The following ZNF695 variants were observed in gnomAD, a reference collection of about 807,000 sequenced individuals.
ZNF695 encodes the protein zinc finger protein 695, also known as zinc finger protein SBZF3.
In ZNF695, 11 loss-of-function variants were observed where a neutral mutation model predicts 11.2. The observed-to-expected ratio is 0.98, with a 90% CI of 0.62 to 1.62. The LOEUF (loss-of-function observed/expected upper bound fraction) is 1.62. Among genes scored for constraint, ZNF695 ranks in the 40% most tolerant of loss-of-function variants. The probability of loss-of-function intolerance (pLI) is 0.00; values close to 1 mark genes in which losing one functional copy is unlikely to be tolerated. For missense variants in ZNF695, 559 were observed against 590.5 expected (o/e 0.95, Z 0.55); for synonymous variants, 190 against 201.4 (o/e 0.94, Z 0.48).
intron 5 of ZNF695, among the ~76,000 whole-genome samples, chr1:246,962,581 G>A (rs369227697): frequency 5.3e-5 from 8 of 152,260 alleles, no homozygotes; most frequent in East Asian, 3.9e-4. Context: ...AGTGGCTTCC[G>A]TGGGGCTGGC....
intron 5 of ZNF695, among the ~76,000 whole-genome samples, chr1:246,947,196 T>TG (rs370864357): frequency 3.3e-4 from 41 of 124,998 alleles, no homozygotes; most frequent in Middle Eastern, 4.7e-3. Context: ...TTATTTTTTT[T>TG]GGGGGGGTGG....
At chr1:246,972,531 G>GT (rs1304672639) in intron 4 of ZNF695, among the ~76,000 whole-genome samples, 2 of 152,006 alleles carry the variant, frequency 1.3e-5, no homozygotes, top group Admixed American at 6.6e-5. Context: ...TGGCCTCTGA[G>GT]TTTTTTTTGA....
chr1:246,991,915 G>A (rs1669047180), intron 3 of ZNF695, among the ~76,000 whole-genome samples: 1 of 152,120 alleles, frequency 6.6e-6, no homozygotes, highest in African/African-American at 2.4e-5. Context: ...CTACTTATAG[G>A]CCGGGCGCGG....
At chr1:246,966,861 T>C (rs1201132301) in intron 5 of ZNF695, 2 of 456,612 alleles carry the variant, frequency 4.4e-6, no homozygotes, top group East Asian at 6.9e-5. Context: ...CTAAGTGAGA[T>C]AGTGAGATGA....
rs74155706 is a variant in ZNF695 at position 246,979,072 on chromosome 1, T to C, written c.390+9053A>G. 9.6e-3 allele frequency among the ~76,000 whole-genome samples: 1,459 copies of C among 152,272 alleles called. 22 individuals carry two copies. The highest frequency in any genetic ancestry group is 0.033 in the African/African-American group (1,390 of 41,540). ...TCAAAGTCTACAACAGTCAGGTACA[T>C]ATCCATTCCGGGTATACACGTGTAA... On this transcript the variant is annotated intron_variant, in intron 4 of 5. Coordinates refer to the ZNF695 transcript ENST00000487338.
chr1:246,960,137 T>C (rs1668126602), intron 5 of ZNF695, among the ~76,000 whole-genome samples: 1 of 152,226 alleles, frequency 6.6e-6, no homozygotes, highest in African/African-American at 2.4e-5. Context: ...CCTCTCAGAT[T>C]TCACACATTT....
rs1669592762 is a variant in ZNF695 at position 247,008,015 on chromosome 1, G to A, written c.-107C>T. 2 of 1,287,180 alleles carry A rather than the reference G, an allele frequency of 1.6e-6. No homozygotes were observed. The highest frequency in any genetic ancestry group is 1.5e-5 in the African/African-American group (1 of 65,580). The allele number at this position is 1,287,180 out of a possible 1,614,324, so 79.7% of individuals were successfully genotyped here. On this transcript the variant is annotated 5_prime_UTR_variant, in exon 1 of 4. Transcript: ENST00000339986. ...GTCACCCGGGACTCTCCGAGAGGCA[G>A]CAGACGGGAACCCAGCACCCCGCCG... is the stretch of plus-strand genomic sequence containing the variant.
intron 4 of ZNF695, among the ~76,000 whole-genome samples, chr1:246,972,460 T>C (rs562893342): frequency 1.3e-5 from 2 of 152,344 alleles, no homozygotes; most frequent in South Asian, 2.1e-4. Context: ...CTTAAATTAC[T>C]ACTGTAATCA....
At chr1:246,964,377 G>A (rs537190123) in intron 5 of ZNF695, among the ~76,000 whole-genome samples, 7 of 152,046 alleles carry the variant, frequency 4.6e-5, no homozygotes, top group East Asian at 3.9e-4. Context: ...AAAAAAAGAC[G>A]CTACTATTAC....
At chr1:246,965,711 C>T (rs943302742) in intron 5 of ZNF695, among the ~76,000 whole-genome samples, 15 of 151,464 alleles carry the variant, frequency 9.9e-5, no homozygotes, top group Non-Finnish European at 1.5e-4. Flanking sequence ...TACGACCATA[C>T]GAGCTGAGAT....
chr1:246,998,292 G>T (rs977305598), intron 3 of ZNF695, among the ~76,000 whole-genome samples: 4 of 152,090 alleles, frequency 2.6e-5, no homozygotes, highest in Non-Finnish European at 5.9e-5. Flanking sequence ...GGCAACAAGT[G>T]GGAGTTTACT....
chr1:246,951,204 C>T (rs775954256), intron 5 of ZNF695, among the ~76,000 whole-genome samples: 5 of 151,950 alleles, frequency 3.3e-5, no homozygotes, highest in Non-Finnish European at 5.9e-5. Context: ...CTCTGTTATG[C>T]GCTGAACTGT....
chr1:246,977,329 T>G (rs1668594584), intron 4 of ZNF695, among the ~76,000 whole-genome samples: 1 of 152,234 alleles, frequency 6.6e-6, no homozygotes, highest in Non-Finnish European at 1.5e-5. Context: ...TGATCTTGGC[T>G]CACTGCAACC....
intron 4 of ZNF695, among the ~76,000 whole-genome samples, chr1:246,972,802 G>A (rs1668460787): frequency 6.6e-6 from 1 of 151,954 alleles, no homozygotes; most frequent in African/African-American, 2.4e-5. Flanking sequence ...GCAGGCGTGA[G>A]CCACTGAGCC....
intron 5 of ZNF695, among the ~76,000 whole-genome samples, chr1:246,959,311 ATATAT>A (rs1465270924): frequency 5.2e-4 from 11 of 20,964 alleles, no homozygotes; most frequent in Admixed American, 9.5e-4. Context: ...AAAAAAAAAA[ATATAT>A]ATATATATAT....
intron 4 of ZNF695, chr1:246,979,856 C>A (rs1400467487): frequency 6.6e-6 from 1 of 152,656 alleles, no homozygotes; most frequent in Non-Finnish European, 1.5e-5. Context: ...TTTATAGAAG[C>A]CTTCCCAATT....
At chr1:246,953,444 T>TA (rs965480213) in intron 5 of ZNF695, among the ~76,000 whole-genome samples, 7 of 151,018 alleles carry the variant, frequency 4.6e-5, no homozygotes, top group African/African-American at 9.7e-5. Context: ...CCGCATCTAG[T>TA]AAAAAAAATA....
intron 3 of ZNF695, chr1:246,996,042 T>C (rs1553315264): frequency 1.1e-5 from 5 of 453,946 alleles, no homozygotes; most frequent in South Asian, 7.8e-5. Flanking sequence ...AATGGTTAAA[T>C]ATAATTCAGA....
At chr1:246,959,796 C>T (rs1429704244) in intron 5 of ZNF695, among the ~76,000 whole-genome samples, 1 of 152,134 alleles carries the variant, frequency 6.6e-6, no homozygotes, top group Non-Finnish European at 1.5e-5. Flanking sequence ...CCACATTCTG[C>T]ACCAATGATG....
Sources: gnomAD v4.1 joint callset for allele counts (sites outside exome capture counted in the v4.1 genomes callset) on GRCh38, gnomAD v4.1.1 for gene constraint, MANE v1.5 for transcripts, NCBI Gene and HGNC (gene_info 2026-07-23, HGNC 2026-07-21) for gene names.